Variants in GFRA1 observed in about 807,000 individuals in gnomAD.
The protein encoded by GFRA1 is GDNF family receptor alpha 1.
A neutral mutation model predicts 51.6 loss-of-function variants in GFRA1; 16 were observed. The ratio of observed to expected loss-of-function variants is 0.31; its 90% CI spans 0.21 to 0.47. GFRA1 has a LOEUF of 0.47. GFRA1 is among the 20% of genes least tolerant of loss of function. GFRA1 has a pLI of 1.00. For missense variants in GFRA1, 530 were observed against 594.3 expected, an observed-to-expected ratio of 0.89 and a Z score of 1.13; for synonymous variants, 270 against 241.3, an observed-to-expected ratio of 1.12 and a Z score of -1.10.
chr10:116,067,123 A>T (rs2133775308), intron 9 of GFRA1, among the ~76,000 whole-genome samples: 1 of 152,358 alleles, frequency 6.6e-6, no homozygotes, highest in East Asian at 1.9e-4. Flanking sequence ...AATGTTATGT[A>T]TAAGAAGATC....
At chr10:116,084,699 T>C (rs1956009140) in intron 9 of GFRA1, among the ~76,000 whole-genome samples, 1 of 151,724 alleles carries the variant, frequency 6.6e-6, no homozygotes. Context: ...AGTTAAGCAG[T>C]GTACAATGAT....
intron 5 of GFRA1, among the ~76,000 whole-genome samples, chr10:116,149,284 GAAAATATGGCCTGCAGAA>G (rs917911227): frequency 2.0e-5 from 3 of 152,134 alleles, no homozygotes; most frequent in Non-Finnish European, 2.9e-5. Context: ...CAGTTGATTA[GAAAATATGGCCTGCAGAA>G]AATCAAGCTC....
intron 4 of GFRA1, among the ~76,000 whole-genome samples, chr10:116,243,571 GA>G (rs1167086845): frequency 1.1e-4 from 15 of 135,834 alleles, no homozygotes; most frequent in East Asian, 4.4e-4. Flanking sequence ...TTTTTTTTAA[GA>G]AAAAAAAAAC....
chr10:116,267,120 G>A (rs1180771210), intron 4 of GFRA1, among the ~76,000 whole-genome samples: 1 of 151,616 alleles, frequency 6.6e-6, no homozygotes, highest in African/African-American at 2.4e-5. Flanking sequence ...TAGCCTAGGC[G>A]ACAGATCAAG....
intron 5 of GFRA1, among the ~76,000 whole-genome samples, chr10:116,172,757 G>C (rs1035935597): frequency 2.0e-5 from 3 of 152,182 alleles, no homozygotes; most frequent in Non-Finnish European, 2.9e-5. Flanking sequence ...CGAGGTGTGG[G>C]GGCCTTATCC....
chr10:116,195,198 C>A (rs540057198), intron 5 of GFRA1, among the ~76,000 whole-genome samples: 22 of 152,276 alleles, frequency 1.4e-4, no homozygotes, highest in African/African-American at 5.3e-4. Flanking sequence ...TTCTTTAATA[C>A]CTTCACAAAG....
intron 5 of GFRA1, among the ~76,000 whole-genome samples, chr10:116,137,430 C>T (rs7088763): frequency 0.17 from 26,319 of 152,008 alleles, 2,333 homozygotes; most frequent in Non-Finnish European, 0.2. Context: ...AAATTCAATG[C>T]CTTTCCTCCC....
intron 5 of GFRA1, among the ~76,000 whole-genome samples, chr10:116,161,766 G>A (rs1328745165): frequency 6.6e-6 from 1 of 152,226 alleles, no homozygotes; most frequent in Non-Finnish European, 1.5e-5. Context: ...ATGTGGAACT[G>A]TGAGCCCATT....
intron 5 of GFRA1, among the ~76,000 whole-genome samples, chr10:116,138,480 T>C (rs1025990831): frequency 2.6e-5 from 4 of 152,182 alleles, no homozygotes; most frequent in African/African-American, 9.6e-5. Flanking sequence ...GTGGACAGTA[T>C]ATTCCGTCCT....
intron 4 of GFRA1, among the ~76,000 whole-genome samples, chr10:116,259,706 G>A (rs1181997287): frequency 1.3e-5 from 2 of 152,160 alleles, no homozygotes; most frequent in African/African-American, 4.8e-5. Context: ...AAGGATCCTG[G>A]TCTGTGCTTA....
intron 4 of GFRA1, among the ~76,000 whole-genome samples, chr10:116,241,404 G>A (rs1266354955): frequency 6.6e-6 from 1 of 152,208 alleles, no homozygotes; most frequent in Admixed American, 6.5e-5. Context: ...CAGTTCGTGT[G>A]CTGCTTCGTT....
chr10:116,192,209 C>T (rs1253840925), intron 5 of GFRA1, among the ~76,000 whole-genome samples: 2 of 152,142 alleles, frequency 1.3e-5, no homozygotes, highest in Admixed American at 6.5e-5. Context: ...ATCCCCATTC[C>T]TTGTCTCTAT....
At chr10:116,158,523 C>T (rs1347647683) in intron 5 of GFRA1, among the ~76,000 whole-genome samples, 1 of 152,192 alleles carries the variant, frequency 6.6e-6, no homozygotes, top group East Asian at 1.9e-4. Flanking sequence ...AACTTCAAGC[C>T]TCCCATGGCA....
chr10:116,205,605 A>G (rs1464680694), intron 5 of GFRA1, among the ~76,000 whole-genome samples: 1 of 26,630 alleles, frequency 3.8e-5, no homozygotes, highest in East Asian at 6.1e-4. Flanking sequence ...AGATATATAT[A>G]TATATATATA....
chr10:116,178,785 G>T (rs1961912841), intron 5 of GFRA1, among the ~76,000 whole-genome samples: 1 of 152,140 alleles, frequency 6.6e-6, no homozygotes, highest in South Asian at 2.1e-4. Flanking sequence ...ATACCATCTG[G>T]TCTCTTCTAA....
At chr10:116,240,798 G>C (rs892412367) in intron 4 of GFRA1, among the ~76,000 whole-genome samples, 1 of 152,156 alleles carries the variant, frequency 6.6e-6, no homozygotes, top group African/African-American at 2.4e-5. Context: ...AACATCTGCA[G>C]ACTGAAAGGA....
intron 5 of GFRA1, among the ~76,000 whole-genome samples, chr10:116,168,312 A>G (rs1370366920): frequency 6.6e-6 from 1 of 152,140 alleles, no homozygotes. Flanking sequence ...CTTCTGAAAG[A>G]GCTGCCCTCT....
chr10:116,194,132 G>A (rs564523236), intron 5 of GFRA1, among the ~76,000 whole-genome samples: 32 of 150,992 alleles, frequency 2.1e-4, no homozygotes, highest in Admixed American at 1.9e-3. Context: ...TAGCTGGTGA[G>A]TTACTAATAC....
rs979012913 is a variant in GFRA1, at chr10:116,210,354, C to T, written c.433+1277G>A. Among the ~76,000 whole-genome samples the T allele has an allele frequency of 5.9e-5, 9 of 152,230 alleles. No homozygotes were observed. In the Middle Eastern group the frequency reaches 0.01, roughly 173 times the overall value. On this transcript the variant is annotated intron_variant, in intron 5 of 10. Coordinates refer to ENST00000355422, the MANE Select transcript of GFRA1 (RefSeq NM_005264.8). ...ATGCAATTCAGTGTGGGGTTGCTTA[C>T]ATTCTAGTTCACAGAAAAAAAAATG...
Sources: gnomAD v4.1 joint callset for allele counts (sites outside exome capture counted in the v4.1 genomes callset) on GRCh38, gnomAD v4.1.1 for gene constraint, MANE v1.5 for transcripts, NCBI Gene and HGNC (gene_info 2026-07-23, HGNC 2026-07-21) for gene names.